Variants in DPYD observed in about 807,000 individuals in gnomAD.
DPYD encodes the protein dihydropyrimidine dehydrogenase [NADP(+)].
In DPYD, 109 loss-of-function variants were observed where a neutral mutation model predicts 116.2. That is an observed-to-expected ratio of 0.94 (90% CI 0.80 to 1.10). The LOEUF is 1.10. Ranked by LOEUF, DPYD falls within the 50% of genes least tolerant of loss-of-function variation. The pLI is 0.00. For missense variants in DPYD, 1,302 were observed against 1,254.5 expected (o/e 1.04, Z -0.57); for synonymous variants, 440 against 432.0 (o/e 1.02, Z -0.23).
Position 97,546,661 on chromosome 1 carries a change from C to G in DPYD, c.1524+2899G>C, listed in dbSNP as rs1428349932. ...GCTTTACATTGCAGATAGGAAGGAG[C>G]AGACATTAATATCCATGCCATATCA... On this transcript the variant is annotated intron_variant, in intron 12 of 22. Coordinates refer to ENST00000370192, the MANE Select transcript of DPYD (RefSeq NM_000110.4). 11 of 1,612,680 alleles carry G rather than the reference C, an allele frequency of 6.8e-6. 1 individual carries two copies. The Middle Eastern group carries it at 1.1e-3, about 159-fold the overall frequency.
At chr1:97,093,444 A>T (rs183228991) in intron 21 of DPYD, among the ~76,000 whole-genome samples, 6 of 152,314 alleles carry the variant, frequency 3.9e-5, no homozygotes, top group African/African-American at 9.6e-5. Flanking sequence ...CTTAACGTGG[A>T]TTTCTTTCAA....
intron 18 of DPYD, among the ~76,000 whole-genome samples, chr1:97,296,309 G>A (rs1666527844): frequency 6.6e-6 from 1 of 151,994 alleles, no homozygotes; most frequent in Non-Finnish European, 1.5e-5. Context: ...GGTGAAGATC[G>A]CTAACTAATT....
At chr1:97,523,521 A>G (rs1474632214) in intron 12 of DPYD, among the ~76,000 whole-genome samples, 1 of 152,092 alleles carries the variant, frequency 6.6e-6, no homozygotes, top group East Asian at 1.9e-4. Context: ...CTACATACAG[A>G]ATAAAGCAGA....
intron 16 of DPYD, among the ~76,000 whole-genome samples, chr1:97,362,266 A>G (rs1670773455): frequency 1.3e-5 from 2 of 152,206 alleles, no homozygotes; most frequent in Non-Finnish European, 2.9e-5. Context: ...GACCTCTTCA[A>G]GGAGAACTAC....
intron 5 of DPYD, among the ~76,000 whole-genome samples, chr1:97,710,843 C>T (rs74568113): frequency 0.028 from 4,195 of 151,738 alleles, 72 homozygotes; most frequent in African/African-American, 0.053. Context: ...TTTTCACAAA[C>T]GTTGCTCTCA....
At chr1:97,366,815 G>T (rs1671064584) in intron 16 of DPYD, among the ~76,000 whole-genome samples, 1 of 152,096 alleles carries the variant, frequency 6.6e-6, no homozygotes, top group African/African-American at 2.4e-5. Flanking sequence ...TGCCAGGGAG[G>T]CTACTGTGGC....
At chr1:97,250,117 A>C (rs1662988467) in intron 18 of DPYD, among the ~76,000 whole-genome samples, 1 of 152,010 alleles carries the variant, frequency 6.6e-6, no homozygotes, top group African/African-American at 2.4e-5. Context: ...AAAAACACAA[A>C]AAATAAGCCG....
At chr1:97,508,187 A>T (rs1302258464) in intron 13 of DPYD, among the ~76,000 whole-genome samples, 2 of 152,042 alleles carry the variant, frequency 1.3e-5, no homozygotes, top group East Asian at 3.9e-4. Context: ...GCAGTGAAGA[A>T]AAAAACAACC....
At chr1:97,096,852 C>T (rs997287914) in intron 21 of DPYD, among the ~76,000 whole-genome samples, 11 of 152,116 alleles carry the variant, frequency 7.2e-5, no homozygotes, top group Non-Finnish European at 1.2e-4. Flanking sequence ...TTTCGCTCTT[C>T]GGAATAAATC....
intron 6 of DPYD, among the ~76,000 whole-genome samples, chr1:97,695,321 T>C (rs1482202377): frequency 6.6e-6 from 1 of 150,630 alleles, no homozygotes; most frequent in Non-Finnish European, 1.5e-5. Flanking sequence ...GTGATTCTTA[T>C]TCAATCTTAT....
At chr1:97,703,412 T>G (rs1661720179) in intron 5 of DPYD, among the ~76,000 whole-genome samples, 1 of 151,946 alleles carries the variant, frequency 6.6e-6, no homozygotes, top group African/African-American at 2.4e-5. Flanking sequence ...TAAAATATAT[T>G]TCATAGAGAT....
chr1:97,658,685 C>A (rs1341347496), intron 8 of DPYD, among the ~76,000 whole-genome samples: 1 of 152,138 alleles, frequency 6.6e-6, no homozygotes, highest in Non-Finnish European at 1.5e-5. Flanking sequence ...CATGTCCAGT[C>A]TCATCACTTT....
chr1:97,246,596 C>T (rs72971736), intron 18 of DPYD, among the ~76,000 whole-genome samples: 1,603 of 152,182 alleles, frequency 0.011, 25 homozygotes, highest in African/African-American at 0.036. Flanking sequence ...TTATAAAACA[C>T]GTTAACAGCA....
chr1:97,371,358 T>C (rs1459171219), intron 16 of DPYD, among the ~76,000 whole-genome samples: 1 of 152,108 alleles, frequency 6.6e-6, no homozygotes, highest in African/African-American at 2.4e-5. Flanking sequence ...ACATAGTAAG[T>C]TTTCAACAGA....
chr1:97,306,136 T>C (rs1183121059), intron 17 of DPYD, 41 bp downstream of exon 17: 2 of 1,611,356 alleles, frequency 1.2e-6, no homozygotes, highest in Non-Finnish European at 8.5e-7. Flanking sequence ...TGTGGGCCAA[T>C]ATTTACAATA....
intron 8 of DPYD, among the ~76,000 whole-genome samples, chr1:97,670,349 C>T (rs549043993): frequency 6.6e-6 from 1 of 152,208 alleles, no homozygotes; most frequent in East Asian, 1.9e-4. Flanking sequence ...GGAGATGGGG[C>T]CTTTGGGATG....
intron 14 of DPYD, among the ~76,000 whole-genome samples, chr1:97,449,812 C>T (rs1676305841): frequency 6.6e-6 from 1 of 152,168 alleles, no homozygotes; most frequent in African/African-American, 2.4e-5. Context: ...TCTCTTCCTT[C>T]TGCTTATGTA....
chr1:97,421,796 T>C (rs1449576393), intron 14 of DPYD, among the ~76,000 whole-genome samples: 2 of 152,154 alleles, frequency 1.3e-5, no homozygotes, highest in East Asian at 1.9e-4. Context: ...TTATCTCTGG[T>C]GGAAAATTCT....
At chr1:97,768,934 C>A (rs963151581) in intron 3 of DPYD, among the ~76,000 whole-genome samples, 3 of 150,624 alleles carry the variant, frequency 2.0e-5, no homozygotes, top group Non-Finnish European at 4.4e-5. Context: ...TAATATTAAC[C>A]ACGATATAAT....
Sources: allele counts gnomAD v4.1 joint callset (sites outside exome capture counted in the v4.1 genomes callset), GRCh38; gene constraint gnomAD v4.1.1; transcripts MANE v1.5; gene names NCBI Gene and HGNC (gene_info 2026-07-23, HGNC 2026-07-21).